MTMR3: variants seen among roughly 807,000 people sequenced by gnomAD.
MTMR3 encodes the protein phosphatidylinositol-3,5-bisphosphate 3-phosphatase MTMR3.
In MTMR3, 32 loss-of-function variants were observed where a neutral mutation model predicts 132.4. The observed-to-expected ratio is 0.24, with a 90% CI of 0.18 to 0.32. The LOEUF is 0.32. Ranked by LOEUF, MTMR3 falls within the 10% of genes least tolerant of loss-of-function variation. The pLI, the probability that MTMR3 is intolerant of heterozygous loss-of-function variation, is 1.00. For synonymous variants in MTMR3, 556 were observed against 550.3 expected, an observed-to-expected ratio of 1.01 and a Z score of -0.14; for missense variants, 1,216 against 1,489.6, an observed-to-expected ratio of 0.82 and a Z score of 3.02.
intron 6 of MTMR3, chr22:29,989,843 G>A (rs2066925883): frequency 6.6e-6 from 1 of 152,122 alleles, no homozygotes; most frequent in Non-Finnish European, 1.5e-5. Context: ...ACAGTCTGGG[G>A]GAGGCACTTT....
intron 1 of MTMR3, among the ~76,000 whole-genome samples, chr22:29,937,450 C>G (rs540338422): frequency 1.4e-5 from 2 of 145,774 alleles, no homozygotes; most frequent in East Asian, 2.0e-4. Context: ...GGGTCTTGCT[C>G]TGTTGCCCAG....
chr22:30,016,317 G>T, intron 14 of MTMR3: 1 of 530,676 alleles, frequency 1.9e-6, no homozygotes, highest in Non-Finnish European at 3.4e-6. Context: ...GAGGAATAGG[G>T]GCACCAACAA....
rs185625484 is a variant in MTMR3 at position 29,919,080 on chromosome 22, G to A, written c.-138+35721G>A. Among the ~76,000 whole-genome samples, 154 of 152,234 alleles carry A rather than the reference G, an allele frequency of 1.0e-3. 1 individual carries two copies. The highest frequency in any genetic ancestry group is 3.4e-3 in the Middle Eastern group (1 of 294). The stretch of plus-strand genomic sequence containing the variant: ...TTCTCCCTACAAGGGACATTTTAGT[G>A]TAAGGCAAAAATATAAAATTATCAC... On this transcript the variant is annotated intron_variant, in intron 1 of 19. Transcript: ENST00000401950.
intron 7 of MTMR3, chr22:29,996,748 A>G (rs1235898109): frequency 1.3e-5 from 2 of 151,652 alleles, no homozygotes; most frequent in Non-Finnish European, 2.9e-5. Context: ...TTTTTTTGAG[A>G]CAGGGTCTCA....
chr22:29,917,338 T>A (rs1010104373), intron 1 of MTMR3, among the ~76,000 whole-genome samples: 18 of 152,174 alleles, frequency 1.2e-4, no homozygotes, highest in African/African-American at 4.1e-4. Context: ...TATAAGATTT[T>A]AAAAATTGCA....
At chr22:29,922,097 G>A (rs986578363) in intron 1 of MTMR3, among the ~76,000 whole-genome samples, 9 of 151,434 alleles carry the variant, frequency 5.9e-5, no homozygotes, top group Middle Eastern at 3.4e-3. Flanking sequence ...CGCCATCTGT[G>A]CTGACTGCTA....
At chr22:29,903,729 C>G (rs1411965603) in intron 1 of MTMR3, among the ~76,000 whole-genome samples, 1 of 152,052 alleles carries the variant, frequency 6.6e-6, no homozygotes, top group East Asian at 1.9e-4. Context: ...AGTTTAAGCC[C>G]TCAGTTTAAA....
chr22:29,982,933 TTGTTTGTGTGTGTGTG>T (rs952214094), intron 5 of MTMR3: 38 of 108,486 alleles, frequency 3.5e-4, no homozygotes, highest in African/African-American at 1.4e-3. Context: ...GTTTAAAAGT[TTGTTTGTGTGTGTGTG>T]TGTGTGTGTG....
chr22:30,030,579 G>A lies in MTMR3; in HGVS notation c.*4778G>A, dbSNP rs953621331. The A allele has an allele frequency of 1.4e-5, 2 of 147,998 alleles. No homozygotes were observed. Among genetic ancestry groups the A allele is most frequent in the African/African-American group, 5.0e-5 (2 of 39,952 alleles). The allele number at this position is 147,998 out of a possible 1,614,324, so 9.2% of individuals were successfully genotyped here. A position where few individuals can be genotyped will look rare whatever the true frequency, so the allele number is the denominator to read the frequency against. Reference sequence around the variant, plus strand: ...CCAGTGCTATAATCCAGTGTCGTAGGTGCAGGGTATGAATCAGCTCAGCCT... The same window carrying A: ...CCAGTGCTATAATCCAGTGTCGTAGATGCAGGGTATGAATCAGCTCAGCCT... On this transcript the variant is annotated 3_prime_UTR_variant, in exon 20 of 20. Coordinates refer to ENST00000401950, the MANE Select transcript of MTMR3 (RefSeq NM_021090.4).
At chr22:29,943,776 C>A (rs2145816946) in intron 1 of MTMR3, among the ~76,000 whole-genome samples, 1 of 149,904 alleles carries the variant, frequency 6.7e-6, no homozygotes, top group East Asian at 2.0e-4. Context: ...TTCCCCACCC[C>A]CAAACCCCAC....
chr22:29,978,121 A>G, intron 3 of MTMR3: 1 of 216,412 alleles, frequency 4.6e-6, no homozygotes, highest in South Asian at 6.9e-5. Flanking sequence ...TGTGCACTAC[A>G]CTACCAGTGC....
rs1288303951 is a variant in MTMR3 at position 30,019,943 on chromosome 22, T to C, written c.2284T>C (p.Ser762Pro). 6.2e-7 allele frequency: 1 copy of C among 1,614,230 alleles called. No homozygotes were observed. Among genetic ancestry groups the C allele is most frequent in the South Asian group, 1.1e-5 (1 of 91,082 alleles). ...TCTGGATATGAGCTGGCCTCTGTTC[T>C]CACAGGGCATTTCTGAACAGCAGAG... ...SHLDMSWPLFSQGISEQQSGL... is the reference protein window; with the variant it reads ...SHLDMSWPLFPQGISEQQSGL... The change falls in exon 17 of 20, where the codon TCA becomes CCA. Residue 762 changes from serine (S) to proline (P), a missense_variant. Coordinates refer to ENST00000401950, the MANE Select transcript of MTMR3 (RefSeq NM_021090.4).
intron 19 of MTMR3, chr22:30,023,035 T>G (rs1028837039): frequency 3.2e-5 from 13 of 403,096 alleles, no homozygotes; most frequent in Non-Finnish European, 5.5e-5. Flanking sequence ...CAAAACCAGT[T>G]TTCCTGCGAT....
intron 1 of MTMR3, among the ~76,000 whole-genome samples, chr22:29,927,945 T>TG (rs2065552440): frequency 6.8e-6 from 1 of 146,580 alleles, no homozygotes; most frequent in Admixed American, 6.8e-5. Context: ...CTTTGTTTTT[T>TG]TTTTTTTTTT....
intron 1 of MTMR3, among the ~76,000 whole-genome samples, chr22:29,932,192 A>G (rs1272595564): frequency 1.3e-5 from 2 of 152,208 alleles, no homozygotes; most frequent in African/African-American, 2.4e-5. Context: ...CGTATAAGGT[A>G]TAGTAACCCT....
At chr22:30,021,657 G>T in intron 17 of MTMR3, 1 of 203,902 alleles carries the variant, frequency 4.9e-6, no homozygotes. Flanking sequence ...AGAAAAGGAG[G>T]GCATCCCGAA....
intron 5 of MTMR3, 139 bp downstream of exon 5, chr22:29,979,191 C>A (rs1022392291): frequency 1.6e-6 from 1 of 637,408 alleles, no homozygotes; most frequent in Non-Finnish European, 2.7e-6. Context: ...CTTAATTTAG[C>A]ACTCAAGGAA....
chr22:30,004,280 C>T (rs938054684), intron 9 of MTMR3: 1 of 152,174 alleles, frequency 6.6e-6, no homozygotes, highest in Non-Finnish European at 1.5e-5. Flanking sequence ...ATCAGCTCAG[C>T]TGGAATGGGG....
At chr22:29,981,769 T>G (rs1384455636) in intron 5 of MTMR3, 4 of 140,562 alleles carry the variant, frequency 2.8e-5, no homozygotes, top group Non-Finnish European at 4.5e-5. Flanking sequence ...TGCAATGAGC[T>G]GAGATCACGC....
Sources: gnomAD v4.1 joint callset for allele counts (sites outside exome capture counted in the v4.1 genomes callset) on GRCh38, gnomAD v4.1.1 for gene constraint, MANE v1.5 for transcripts, NCBI Gene and HGNC (gene_info 2026-07-23, HGNC 2026-07-21) for gene names.